The following CRLF3 variants were observed in gnomAD, a reference collection of about 807,000 sequenced individuals.
CRLF3 encodes the protein cytokine receptor-like factor 3.
A neutral mutation model predicts 55.0 loss-of-function variants in CRLF3; 33 were observed. That is an observed-to-expected ratio of 0.60 (90% CI 0.46 to 0.80). CRLF3 has a LOEUF of 0.80. Among genes scored for constraint, CRLF3 ranks in the 30% least tolerant of loss-of-function variants. The probability of loss-of-function intolerance (pLI) is 0.00; values close to 1 mark genes in which losing one functional copy is unlikely to be tolerated. For missense variants in CRLF3, 494 were observed against 538.4 expected (o/e 0.92, Z 0.82); for synonymous variants, 238 against 196.8 (o/e 1.21, Z -1.75).
At chr17:30,816,883 G>C (rs1416068250) in intron 1 of CRLF3, among the ~76,000 whole-genome samples, 4 of 152,232 alleles carry the variant, frequency 2.6e-5, no homozygotes, top group African/African-American at 7.2e-5. Context: ...TACCCTAGGA[G>C]CAATAGAATA....
intron 1 of CRLF3, among the ~76,000 whole-genome samples, chr17:30,822,264 C>T (rs541649442): frequency 1.2e-4 from 18 of 152,214 alleles, no homozygotes; most frequent in African/African-American, 4.1e-4. Flanking sequence ...AACCACCAAA[C>T]AAAAGCAGCT....
chr17:30,821,267 G>C (rs1904988243), intron 1 of CRLF3, among the ~76,000 whole-genome samples: 1 of 150,914 alleles, frequency 6.6e-6, no homozygotes, highest in South Asian at 2.1e-4. Context: ...TTGAGCCTGA[G>C]AGGCAGAGCT....
intron 2 of CRLF3, among the ~76,000 whole-genome samples, chr17:30,803,337 TATA>T: frequency 6.6e-6 from 1 of 152,216 alleles, no homozygotes; most frequent in Non-Finnish European, 1.5e-5. Context: ...TATAACTAAT[TATA>T]ACTAACACTT....
At chr17:30,788,663 A>G (rs77854497) in intron 6 of CRLF3, among the ~76,000 whole-genome samples, 17,991 of 136,290 alleles carry the variant, frequency 0.13, 1,198 homozygotes, top group South Asian at 0.25. Context: ...GCTAGAGTAC[A>G]GTGGCGTGAT....
intron 6 of CRLF3, among the ~76,000 whole-genome samples, chr17:30,788,647 G>T (rs1269150096): frequency 1.7e-5 from 2 of 114,972 alleles, no homozygotes; most frequent in East Asian, 2.6e-4. Flanking sequence ...TCACTCTGTT[G>T]CCCCGGCTAG....
Position 30,803,837 on chromosome 17 carries a change from T to C in CRLF3, c.337+64A>G, listed in dbSNP as rs528194920. The C allele has an allele frequency of 7.5e-5, 91 of 1,210,336 alleles. No individual in the cohort carries two copies. The Middle Eastern group carries it at 8.3e-4, about 11-fold the overall frequency. 75.0% of individuals were successfully genotyped at this position (1,210,336 alleles called of 1,614,324 possible). A position where few individuals can be genotyped will look rare whatever the true frequency, so the allele number is the denominator to read the frequency against. ...TTTGTAAATTGCCCAGTTTCAGGTA[T>C]GTCTTTATCAGCAGTGTGAAAATGG... On this transcript the variant is annotated intron_variant, in intron 2 of 7. Coordinates refer to ENST00000324238, the MANE Select transcript of CRLF3 (RefSeq NM_015986.4).
rs1395033017 is a variant in CRLF3, at chr17:30,783,072, G to A, written c.*1115C>T. The A allele has an allele frequency of 6.6e-6, 1 of 151,984 alleles. No homozygotes were observed. Among genetic ancestry groups the A allele is most frequent in the Non-Finnish European group, 1.5e-5 (1 of 68,008 alleles). 9.4% of individuals were successfully genotyped at this position (151,984 alleles called of 1,614,324 possible). A position where few individuals can be genotyped will look rare whatever the true frequency, so the allele number is the denominator to read the frequency against. On this transcript the variant is annotated 3_prime_UTR_variant, in exon 8 of 8. Coordinates refer to ENST00000324238, the MANE Select transcript of CRLF3 (RefSeq NM_015986.4). ...ATATTTTTTTGCTCTGCTAAAAAGA[G>A]ACCACTTATTAAACTGACATTAAAC...
intron 4 of CRLF3, among the ~76,000 whole-genome samples, chr17:30,795,528 C>A (rs1356991059): frequency 6.7e-6 from 1 of 150,302 alleles, no homozygotes; most frequent in African/African-American, 2.4e-5. Flanking sequence ...GTCAGCCAGG[C>A]GGAGTGGCTC....
chr17:30,808,679 G>A (rs769469153), intron 1 of CRLF3, among the ~76,000 whole-genome samples: 1 of 151,272 alleles, frequency 6.6e-6, no homozygotes, highest in Admixed American at 6.6e-5. Flanking sequence ...TGCAACCTCC[G>A]CCTCCCAGGT....
At chr17:30,810,825 G>A (rs575279486) in intron 1 of CRLF3, among the ~76,000 whole-genome samples, 7 of 152,150 alleles carry the variant, frequency 4.6e-5, no homozygotes, top group South Asian at 4.2e-4. Context: ...GGCCAGGTGC[G>A]GTGGCTCATG....
At position 30,783,972 on chromosome 17, in the gene CRLF3, A is replaced by G. The variant is rs2142236063; in HGVS notation, c.*215T>C. On this transcript the variant is annotated 3_prime_UTR_variant, in exon 8 of 8. Transcript: ENST00000324238. ...GATTTTTATTGTGATGTGATATTTA[A>G]CAGTATGCTAAAAATAAAATTGACT... is the stretch of plus-strand genomic sequence containing the variant. The G allele has an allele frequency of 2.0e-6, 1 of 507,536 alleles. No homozygotes were observed. The highest frequency in any genetic ancestry group is 3.2e-5 in the East Asian group (1 of 31,250). 31.4% of individuals were successfully genotyped at this position (507,536 alleles called of 1,614,324 possible).
At chr17:30,813,052 C>T (rs1904671631) in intron 1 of CRLF3, among the ~76,000 whole-genome samples, 1 of 152,154 alleles carries the variant, frequency 6.6e-6, no homozygotes, top group Admixed American at 6.6e-5. Flanking sequence ...CCTATCTGAG[C>T]CCCAGTCAAC....
At position 30,824,527 on chromosome 17, in the gene CRLF3, C is replaced by A; in HGVS notation, c.125G>T (p.Arg42Met). The A allele has an allele frequency of 6.3e-7, 1 of 1,589,922 alleles. No individual in the cohort carries two copies. The highest frequency in any genetic ancestry group is 2.3e-5 in the East Asian group (1 of 43,486). Reference protein sequence around the residue: ...HRLEGLREARRQIKESASQTR... With the variant: ...HRLEGLREARMQIKESASQTR... ...CTGTGGGTGTGGCCCTCCGACCTGC[C>A]TCCGCGCCTCACGCAGCCCCTCAAG... The change falls in exon 1 of 8, where the codon AGG (arginine) becomes ATG (methionine). Residue 42 changes from arginine (R) to methionine (M), a missense_variant. Transcript: ENST00000324238.
rs74988526 is a variant in CRLF3, at chr17:30,805,352, G to A, written c.130-1244C>T. Reference sequence around the variant, plus strand: ...CTTGAAAAGTGTACGTTTCAATACTGAAAATTGTTTAATTATGAGGGGATT... The same window carrying A: ...CTTGAAAAGTGTACGTTTCAATACTAAAAATTGTTTAATTATGAGGGGATT... On this transcript the variant is annotated intron_variant, in intron 1 of 7. Transcript: ENST00000324238. Among the ~76,000 whole-genome samples the A allele has an allele frequency of 8.8e-3, 1,335 of 152,166 alleles. 20 individuals are homozygous for A. The highest frequency in any genetic ancestry group is 0.03 in the African/African-American group (1,257 of 41,516).
chr17:30,822,062 C>CAAAAAA (rs576859607), intron 1 of CRLF3, among the ~76,000 whole-genome samples: 18 of 56,008 alleles, frequency 3.2e-4, no homozygotes, highest in South Asian at 5.2e-4. Context: ...GCACCCCCGC[C>CAAAAAA]AAAAAAAAAA....
intron 1 of CRLF3, among the ~76,000 whole-genome samples, chr17:30,819,336 T>C (rs1438260103): frequency 1.3e-5 from 2 of 152,202 alleles, no homozygotes; most frequent in African/African-American, 4.8e-5. Context: ...TCCCCTTTGA[T>C]AATGTACCAA....
At chr17:30,805,340 C>T (rs1202472276) in intron 1 of CRLF3, among the ~76,000 whole-genome samples, 2 of 152,040 alleles carry the variant, frequency 1.3e-5, no homozygotes, top group African/African-American at 2.4e-5. Flanking sequence ...GAAAAGTGTA[C>T]GTTTCAATAC....
chr17:30,798,077 A>T (rs1971951484), intron 2 of CRLF3, among the ~76,000 whole-genome samples: 1 of 151,852 alleles, frequency 6.6e-6, no homozygotes, highest in East Asian at 1.9e-4. Context: ...TATTCAACAG[A>T]ACAATAAAAA....
chr17:30,811,525 C>T (rs1374476793), intron 1 of CRLF3, among the ~76,000 whole-genome samples: 5 of 151,698 alleles, frequency 3.3e-5, no homozygotes, highest in African/African-American at 7.3e-5. Context: ...AAAAGACAGC[C>T]GGGTACAGCG....
Sources: gnomAD v4.1 joint callset for allele counts (sites outside exome capture counted in the v4.1 genomes callset) on GRCh38, gnomAD v4.1.1 for gene constraint, MANE v1.5 for transcripts, NCBI Gene and HGNC (gene_info 2026-07-23, HGNC 2026-07-21) for gene names.